The following APOC4 variants were observed in gnomAD, a reference collection of about 807,000 sequenced individuals.
APOC4 encodes apolipoprotein C-IV.
In APOC4, 10 loss-of-function variants were observed where a neutral mutation model predicts 8.4. The ratio of observed to expected loss-of-function variants is 1.19; its 90% confidence interval spans 0.74 to 2.03. APOC4 has a LOEUF of 2.03. Among genes scored for constraint, APOC4 ranks in the 30% most tolerant of loss-of-function variants. The probability of loss-of-function intolerance (pLI) is 0.00; values close to 1 mark genes in which losing one functional copy is unlikely to be tolerated. For synonymous variants in APOC4, 59 were observed against 65.8 expected (o/e 0.90, Z 0.50); for missense variants, 160 against 156.1 (o/e 1.02, Z -0.13).
In APOC4 at chr19:44,942,410, C is replaced by G. The variant is rs1380750794; in HGVS notation, c.76+57C>G. 3 of 1,550,922 alleles carry G rather than the reference C, an allele frequency of 1.9e-6. No homozygotes were observed. The East Asian group carries it at 6.9e-5, about 36-fold the overall frequency. On this transcript the variant is annotated intron_variant, in intron 1 of 2. Coordinates refer to ENST00000592954, the MANE Select transcript of APOC4 (RefSeq NM_001646.3). Reference sequence around the variant, plus strand: ...CCACACCTGGTGGGTGTGAGTGTGGCTGTGTGTCCTGTGGCTCTGTAGCCA... The same window carrying G: ...CCACACCTGGTGGGTGTGAGTGTGGGTGTGTGTCCTGTGGCTCTGTAGCCA...
chr19:44,942,806 C>A (rs1970274327), intron 1 of APOC4, among the ~76,000 whole-genome samples: 1 of 149,708 alleles, frequency 6.7e-6, no homozygotes, highest in Non-Finnish European at 1.5e-5. Context: ...GGCTGGAGTG[C>A]AGTGGTAGCA....
chr19:44,945,066 G>A (rs1177540763), intron 2 of APOC4, 74 bp from the exon 3 acceptor site: 7 of 1,560,622 alleles, frequency 4.5e-6, no homozygotes, highest in Non-Finnish European at 3.5e-6. Context: ...AGGTCACAGA[G>A]AGGAGCGGAT....
At position 44,945,143 on chromosome 19, in the gene APOC4, C is replaced by A. The variant is rs781728790; in HGVS notation, c.222C>A (p.Ser74Arg). 7.4e-6 allele frequency: 12 copies of A among 1,613,536 alleles called. No individual in the cohort carries two copies. The highest frequency in any genetic ancestry group is 1.0e-5 in the Non-Finnish European group (12 of 1,179,784). Residue 74 changes from serine (S) to arginine (R), a missense_variant, in exon 3 of 3, where the codon AGC becomes AGA. By Grantham distance (110) the Ser-to-Arg change is moderately radical (BLOSUM62 -1). Transcript: ENST00000592954. The part of the protein sequence containing the change: ...RTRDGWQWFW[S>R]PSTFRGFMQT... ...TGTGATGTCCTCTCTCCTGTAGGAG[C>A]CCGAGCACCTTCCGGGGCTTCATGC...
chr19:44,945,465 A>G lies in APOC4; in HGVS notation c.*160A>G. On this transcript the variant is annotated 3_prime_UTR_variant, in exon 3 of 3. Coordinates refer to ENST00000592954, the MANE Select transcript of APOC4 (RefSeq NM_001646.3). ...AAAACAAAAAGAAAAAAAAAAGTTC[A>G]TACTTCTCCAATAAATAAAGTCTCA... 6 of 674,216 alleles carry G rather than the reference A, an allele frequency of 8.9e-6. 1 individual carries two copies. Among genetic ancestry groups the G allele is most frequent in the Non-Finnish European group, 1.4e-5 (6 of 418,368 alleles). The allele number at this position is 674,216 out of a possible 1,614,324, so 41.8% of individuals were successfully genotyped here. A position where few individuals can be genotyped will look rare whatever the true frequency, so the allele number is the denominator to read the frequency against.
At position 44,942,260 on chromosome 19, in the gene APOC4, G is replaced by A. The variant is rs79429216; in HGVS notation, c.-18G>A. ...GCAGAGTTGAGCACAGAGGGACAGA[G>A]GCACGGAACCCCCAGAAATGTCCCT... On this transcript the variant is annotated 5_prime_UTR_variant, in exon 1 of 3. Transcript: ENST00000592954. 20,520 of 1,602,624 alleles carry A rather than the reference G, an allele frequency of 0.013. 229 individuals carry two copies. The highest frequency in any genetic ancestry group is 0.038 in the South Asian group (3,404 of 89,158).
At chr19:44,943,466 G>A (rs1970282368) in intron 1 of APOC4, among the ~76,000 whole-genome samples, 1 of 150,888 alleles carries the variant, frequency 6.6e-6, no homozygotes, top group Non-Finnish European at 1.5e-5. Flanking sequence ...GCTCATGCCT[G>A]TAATCCCAGC....
Position 44,945,274 on chromosome 19 carries a change from G to A in APOC4, c.353G>A (p.Arg118Lys). Residue 118 changes from arginine (R) to lysine (K), a missense_variant, in exon 3 of 3, where the codon AGG becomes AAG. Transcript: ENST00000592954. Reference protein sequence around the residue: ...LLKKTHSLCPRLVCGDKDQG With the variant: ...LLKKTHSLCPKLVCGDKDQG ...AAGAAGACCCACAGCCTGTGCCCCA[G>A]GCTTGTCTGTGGGGACAAGGACCAG... The A allele has an allele frequency of 6.2e-7, 1 of 1,613,942 alleles. No individual in the cohort carries two copies. The highest frequency in any genetic ancestry group is 8.5e-7 in the Non-Finnish European group (1 of 1,179,982).
Position 44,945,432 on chromosome 19 carries a change from T to G in APOC4, c.*127T>G. On this transcript the variant is annotated 3_prime_UTR_variant, in exon 3 of 3. Coordinates refer to ENST00000592954, the MANE Select transcript of APOC4 (RefSeq NM_001646.3). ...AGCCTGGGCAACACAGCGAGATCTC[T>G]TGGGGGTAAAACAAAAAGAAAAAAA... The G allele has an allele frequency of 1.1e-6, 1 of 905,282 alleles. No homozygotes were observed. Among genetic ancestry groups the G allele is most frequent in the Non-Finnish European group, 1.7e-6 (1 of 605,336 alleles). 56.1% of individuals were successfully genotyped at this position (905,282 alleles called of 1,614,324 possible). A position where few individuals can be genotyped will look rare whatever the true frequency, so the allele number is the denominator to read the frequency against.
chr19:44,942,830 G>C (rs1044184725), intron 1 of APOC4, among the ~76,000 whole-genome samples: 6 of 150,000 alleles, frequency 4.0e-5, no homozygotes, highest in African/African-American at 1.5e-4. Context: ...GTGCGATCTT[G>C]GCTCACTGCA....
Position 44,945,172 on chromosome 19 carries a change from C to A in APOC4, c.251C>A (p.Thr84Asn). Reference protein sequence around the residue: ...SPSTFRGFMQTYYDDHLRDLG... With the variant: ...SPSTFRGFMQNYYDDHLRDLG... ...AGCACCTTCCGGGGCTTCATGCAGA[C>A]CTACTATGACGACCACCTGAGGGAC... Residue 84 changes from threonine to asparagine, a missense_variant, in exon 3 of 3, where the codon ACC becomes AAC. Thr to Asn is a moderately conservative substitution (Grantham distance 65). Coordinates refer to ENST00000592954, the MANE Select transcript of APOC4 (RefSeq NM_001646.3). 6.2e-7 allele frequency: 1 copy of A among 1,614,088 alleles called. No homozygotes were observed. The highest frequency in any genetic ancestry group is 1.1e-5 in the South Asian group (1 of 91,086).
chr19:44,943,242 T>C (rs1970279642), intron 1 of APOC4, among the ~76,000 whole-genome samples: 1 of 151,886 alleles, frequency 6.6e-6, no homozygotes, highest in African/African-American at 2.4e-5. Context: ...AATTTTTTTA[T>C]ATTTTTGGTA....
At chr19:44,944,462 G>A (rs1169436026) in intron 1 of APOC4, among the ~76,000 whole-genome samples, 1 of 151,948 alleles carries the variant, frequency 6.6e-6, no homozygotes, top group Admixed American at 6.6e-5. Flanking sequence ...AGGAGGTGGA[G>A]GTTGCAATGA....
At chr19:44,942,874 C>T (rs1869068005) in intron 1 of APOC4, among the ~76,000 whole-genome samples, 2 of 151,522 alleles carry the variant, frequency 1.3e-5, no homozygotes, top group African/African-American at 4.9e-5. Flanking sequence ...GATTCTCCTG[C>T]CTCAGTCTTC....
intron 1 of APOC4, among the ~76,000 whole-genome samples, chr19:44,943,452 G>A (rs5151): frequency 1.3e-5 from 2 of 151,616 alleles, no homozygotes; most frequent in Non-Finnish European, 2.9e-5. Context: ...GGCCAGGCAC[G>A]GTGGCTCATG....
chr19:44,945,087 GAGA>G, intron 2 of APOC4, 50 bp from the exon 3 acceptor site: 1 of 1,585,238 alleles, frequency 6.3e-7, no homozygotes, highest in Non-Finnish European at 8.6e-7. Context: ...AAATGGGGCA[GAGA>G]ACACCTGGGG....
Position 44,944,694 on chromosome 19 carries a change from G to A in APOC4, c.77-55G>A, listed in dbSNP as rs1175909823. On this transcript the variant is annotated intron_variant, in intron 1 of 2. Transcript: ENST00000592954. ...CACAGGATGAGCATGGAGGGAAAGG[G>A]AGAAGGGGATTCTAGGGTCCCAGCC... 5 of 1,557,072 alleles carry A rather than the reference G, an allele frequency of 3.2e-6. No homozygotes were observed. The East Asian group carries it at 9.1e-5, about 28-fold the overall frequency.
intron 1 of APOC4, among the ~76,000 whole-genome samples, chr19:44,943,936 C>T (rs941185072): frequency 1.3e-5 from 2 of 152,178 alleles, no homozygotes; most frequent in African/African-American, 2.4e-5. Context: ...GACGGCTGGT[C>T]TCTGTAGGCG....
intron 2 of APOC4, 82 bp from the exon 3 acceptor site, chr19:44,945,058 G>A (rs966659607): frequency 1.0e-5 from 16 of 1,551,590 alleles, no homozygotes; most frequent in Admixed American, 7.6e-5. Context: ...GAACTCCTAG[G>A]TCACAGAGAG....
At chr19:44,945,038 C>T (rs1970301688) in intron 2 of APOC4, 102 bp from the exon 3 acceptor site, 2 of 1,532,750 alleles carry the variant, frequency 1.3e-6, no homozygotes, top group Non-Finnish European at 1.8e-6. Flanking sequence ...AGGGTTAGAG[C>T]TGAGAGCAGG....
Sources: gnomAD v4.1 joint callset for allele counts (sites outside exome capture counted in the v4.1 genomes callset) on GRCh38, gnomAD v4.1.1 for gene constraint, MANE v1.5 for transcripts, NCBI Gene and HGNC (gene_info 2026-07-23, HGNC 2026-07-21) for gene names.